PDE6B: variants seen among roughly 807,000 people sequenced by gnomAD.
PDE6B encodes phosphodiesterase 6B.
PDE6B carries 106 observed loss-of-function variants against 109.0 expected under a neutral mutation model. The observed-to-expected ratio is 0.97, with a 90% CI of 0.83 to 1.14. PDE6B has a LOEUF of 1.14. PDE6B is among the 50% of genes most tolerant of loss of function. The pLI is 0.00. For missense variants in PDE6B, 1,193 were observed against 1,155.6 expected (o/e 1.03, Z -0.47); for synonymous variants, 490 against 471.3 (o/e 1.04, Z -0.51).
At chr4:649,979 C>G (rs1735416921) in intron 3 of PDE6B, among the ~76,000 whole-genome samples, 1 of 152,252 alleles carries the variant, frequency 6.6e-6, no homozygotes, top group Non-Finnish European at 1.5e-5. Context: ...ACCCTGGTTT[C>G]ACCCTGGAGC....
At chr4:644,900 G>C (rs1199180382) in intron 3 of PDE6B, among the ~76,000 whole-genome samples, 1 of 151,974 alleles carries the variant, frequency 6.6e-6, no homozygotes, top group Non-Finnish European at 1.5e-5. Flanking sequence ...TCTGATAGAG[G>C]GTACTAAGTC....
intron 3 of PDE6B, among the ~76,000 whole-genome samples, chr4:641,342 T>C (rs1734934706): frequency 6.6e-6 from 1 of 152,256 alleles, no homozygotes; most frequent in Non-Finnish European, 1.5e-5. Flanking sequence ...ATTGCTGTTA[T>C]AAAGCAAAGC....
Position 626,245 on chromosome 4 carries a change from C to A in PDE6B, c.468+151C>A, listed in dbSNP as rs1420099523. ...TGTGCTGAGGAGCAAGTACCTAGAGCCCCCTCCCGGCACTGTGCCCTGGCC... is the reference window on the plus strand; with the variant it reads ...TGTGCTGAGGAGCAAGTACCTAGAGACCCCTCCCGGCACTGTGCCCTGGCC... On this transcript the variant is annotated intron_variant, in intron 1 of 21. Transcript: ENST00000496514. The surrounding 1 kb of genome is among the most constrained non-coding windows in gnomAD (Gnocchi z 4.6). 1.3e-5 allele frequency: 8 copies of A among 616,658 alleles called. No individual in the cohort carries two copies. The East Asian group carries it at 1.9e-4, about 15-fold the overall frequency. 38.2% of individuals were successfully genotyped at this position (616,658 alleles called of 1,614,324 possible). A position where few individuals can be genotyped will look rare whatever the true frequency, so the allele number is the denominator to read the frequency against.
chr4:655,903 C>A (rs199533451), intron 6 of PDE6B, 37 bp from the exon 7 acceptor site: 2 of 1,323,094 alleles, frequency 1.5e-6, no homozygotes, highest in South Asian at 2.3e-5. Context: ...ACATCCAGCC[C>A]GGCGTGGCCT....
Position 663,077 on chromosome 4 carries a change from C to G in PDE6B, c.1833-23C>G, listed in dbSNP as rs367687142. On this transcript the variant is annotated intron_variant, in intron 14 of 21. Coordinates refer to ENST00000496514, the MANE Select transcript of PDE6B (RefSeq NM_000283.4). This position sits in a 1 kb window ranked among gnomAD's most constrained non-coding sequence, Gnocchi z 4.0. ...GGCCAAGGGCAGGTCCCACGGGCCT[C>G]ACCTCCACCACCTGTGTAACAGGTC... 58 of 1,460,784 alleles carry G rather than the reference C, an allele frequency of 4.0e-5. No individual in the cohort carries two copies. The highest frequency in any genetic ancestry group is 7.0e-5 in the African/African-American group (5 of 71,826). The allele number at this position is 1,460,784 out of a possible 1,614,324, so 90.5% of individuals were successfully genotyped here. A position where few individuals can be genotyped will look rare whatever the true frequency, so the allele number is the denominator to read the frequency against.
chr4:649,590 G>T (rs1040732057), intron 3 of PDE6B, among the ~76,000 whole-genome samples: 3 of 152,180 alleles, frequency 2.0e-5, no homozygotes, highest in African/African-American at 7.2e-5. Flanking sequence ...TGGGAAGACT[G>T]TTCACTGGTG....
intron 2 of PDE6B, 60 bp from the exon 3 acceptor site, chr4:635,820 A>C (rs572857110): frequency 2.8e-5 from 25 of 900,030 alleles, no homozygotes; most frequent in Non-Finnish European, 4.2e-5. Context: ...CAAAATACCC[A>C]CGGGGGCACA....
intron 3 of PDE6B, among the ~76,000 whole-genome samples, chr4:650,551 T>C (rs1241941497): frequency 6.6e-6 from 1 of 152,046 alleles, no homozygotes; most frequent in Admixed American, 6.5e-5. Context: ...GCCCCAAGCG[T>C]GGGGTCAGGG....
At chr4:657,584 CTG>C in intron 10 of PDE6B, 90 bp downstream of exon 10, 1 of 1,356,256 alleles carries the variant, frequency 7.4e-7, no homozygotes, top group Non-Finnish European at 1.0e-6. Context: ...GGGGTCTCGG[CTG>C]TGTGGTGGGG....
intron 12 of PDE6B, 43 bp downstream of exon 12, chr4:660,656 C>A: frequency 6.3e-7 from 1 of 1,581,834 alleles, no homozygotes; most frequent in African/African-American, 1.3e-5. Context: ...CCTGAGGCCG[C>A]CCAGGACATG....
chr4:653,325 T>C (rs1262658092), intron 3 of PDE6B: 17 of 1,060,246 alleles, frequency 1.6e-5, no homozygotes, highest in Non-Finnish European at 1.9e-5. Context: ...CTGGGGTGAG[T>C]CTGAGCCTGG....
At position 636,916 on chromosome 4, in the gene PDE6B, A is replaced by G. The variant is rs2109139409; in HGVS notation, c.711+947A>G. Among the ~76,000 whole-genome samples, 1 of 152,358 alleles carries G rather than the reference A, an allele frequency of 6.6e-6. No individual in the cohort carries two copies. Among genetic ancestry groups the G allele is most frequent in the Non-Finnish European group, 1.5e-5 (1 of 68,034 alleles). On this transcript the variant is annotated intron_variant, in intron 3 of 21. Coordinates refer to ENST00000496514, the MANE Select transcript of PDE6B (RefSeq NM_000283.4). This position sits in a 1 kb window ranked among gnomAD's most constrained non-coding sequence, Gnocchi z 4.5. Reference sequence around the variant, plus strand: ...AGAAAACCCCCCGGAGGGAAGTCTCAGCCCCAATCCAAGCAGGCCTCTCAC... The same window carrying G: ...AGAAAACCCCCCGGAGGGAAGTCTCGGCCCCAATCCAAGCAGGCCTCTCAC...
Position 625,661 on chromosome 4 carries a change from T to A in PDE6B, c.35T>A (p.Leu12Gln). 2 of 1,613,980 alleles carry A rather than the reference T, an allele frequency of 1.2e-6. No individual in the cohort carries two copies. The highest frequency in any genetic ancestry group is 1.7e-6 in the Non-Finnish European group (2 of 1,179,976). The change falls in exon 1 of 22, where the codon CTG becomes CAG. Residue 12 changes from leucine to glutamine, a missense_variant. Leu to Gln is a moderately radical substitution (Grantham distance 113). Transcript: ENST00000496514. The surrounding 1 kb of genome is among the most constrained non-coding windows in gnomAD (Gnocchi z 5.0). ...SLSEEQARSF[L>Q]DQNPDFARQY... ...AGTGAGGAGCAGGCCCGGAGCTTTC[T>A]GGACCAGAACCCCGATTTTGCCCGC... is the stretch of plus-strand genomic sequence containing the variant.
intron 3 of PDE6B, among the ~76,000 whole-genome samples, chr4:641,717 GCT>G (rs1734954879): frequency 6.6e-6 from 1 of 152,200 alleles, no homozygotes; most frequent in African/African-American, 2.4e-5. Context: ...TGCAATCTCA[GCT>G]CACTGCAACC....
intron 3 of PDE6B, among the ~76,000 whole-genome samples, chr4:645,778 T>C (rs1487782590): frequency 1.3e-5 from 2 of 151,962 alleles, no homozygotes; most frequent in African/African-American, 2.4e-5. Context: ...CAGTTATACT[T>C]GTTTTTCCAA....
chr4:647,746 C>T (rs930399912), intron 3 of PDE6B, among the ~76,000 whole-genome samples: 2 of 152,078 alleles, frequency 1.3e-5, no homozygotes, highest in East Asian at 1.9e-4. Flanking sequence ...TAGTACACAG[C>T]GGGAACCACC....
intron 3 of PDE6B, among the ~76,000 whole-genome samples, chr4:643,658 G>A (rs1735047660): frequency 1.3e-5 from 2 of 151,970 alleles, no homozygotes; most frequent in African/African-American, 4.8e-5. Context: ...TCTTTCTAGT[G>A]ATCAGTCTAT....
In PDE6B at chr4:666,261, G is replaced by A. The variant is rs1281795291; in HGVS notation, c.2269-270G>A. Among the ~76,000 whole-genome samples, 1 of 152,170 alleles carries A rather than the reference G, an allele frequency of 6.6e-6. No individual in the cohort carries two copies. Among genetic ancestry groups the A allele is most frequent in the Non-Finnish European group, 1.5e-5 (1 of 68,016 alleles). ...TCCCCAGCTGCAGTAAGGGTCCCCA[G>A]AGCCAAGAGGGGGCTGCCCTCAGGG... On this transcript the variant is annotated intron_variant, in intron 19 of 21. Coordinates refer to ENST00000496514, the MANE Select transcript of PDE6B (RefSeq NM_000283.4). The surrounding 1 kb of genome is among the most constrained non-coding windows in gnomAD (Gnocchi z 5.6).
intron 21 of PDE6B, among the ~76,000 whole-genome samples, chr4:668,258 G>A (rs921451106): frequency 5.9e-5 from 9 of 151,870 alleles, no homozygotes; most frequent in Non-Finnish European, 1.2e-4. Flanking sequence ...TTTCAAGAAA[G>A]AAGTAACCAT....
Sources: allele counts gnomAD v4.1 joint callset (sites outside exome capture counted in the v4.1 genomes callset), GRCh38; gene constraint gnomAD v4.1.1; non-coding constraint Gnocchi (gnomAD v3.1); transcripts MANE v1.5; gene names NCBI Gene and HGNC (gene_info 2026-07-23, HGNC 2026-07-21).